RTEL1: variants seen among roughly 807,000 people sequenced by gnomAD.
RTEL1 encodes the protein regulator of telomere elongation helicase 1.
Under a neutral mutation model 162.2 loss-of-function variants are expected in RTEL1, and 86 were observed. That is an observed-to-expected ratio of 0.53 (90% confidence interval 0.45 to 0.63). The LOEUF is 0.63. RTEL1 is among the 30% of genes least tolerant of loss of function. The probability of loss-of-function intolerance (pLI) is 0.00; values close to 1 mark genes in which losing one functional copy is unlikely to be tolerated. For synonymous variants in RTEL1, 958 were observed against 717.9 expected, an observed-to-expected ratio of 1.33 and a Z score of -5.35; for missense variants, 1,941 against 1,750.2, an observed-to-expected ratio of 1.11 and a Z score of -1.95.
rs181723262 is a variant in RTEL1, at chr20:63,687,242, C to T, written c.1349-396C>T. 428 of 194,244 alleles carry T rather than the reference C, an allele frequency of 2.2e-3. 4 individuals carry two copies. The highest frequency in any genetic ancestry group is 9.5e-3 in the African/African-American group (407 of 42,838). 12.0% of individuals were successfully genotyped at this position (194,244 alleles called of 1,614,324 possible). On this transcript the variant is annotated intron_variant, in intron 16 of 34. Transcript: ENST00000360203. ...CAGGCAGAGCTGGGAACTCGCACCC[C>T]GTCTTCTGCACGCGGCCGTGGAATG...
chr20:63,694,058 G>A (rs113214706), intron 30 of RTEL1, among the ~76,000 whole-genome samples: 3 of 152,168 alleles, frequency 2.0e-5, no homozygotes, highest in African/African-American at 4.8e-5. Context: ...ACCCAGGGGG[G>A]AACCTAGCCT....
In RTEL1 at chr20:63,667,528, C is replaced by A; in HGVS notation, c.674C>A (p.Pro225Gln). ...LKQQADIIFM[P>Q]YNYLLDAKSR... ...CAGCAAGCCGACATCATATTCATGC[C>A]GTACAATTACTTGTTGGATGCCAAG... Residue 225 changes from proline to glutamine, a missense_variant, in exon 8 of 35, where the codon CCG (proline) becomes CAG (glutamine). Physicochemically the swap from Pro to Gln is moderately conservative, Grantham distance 76. Transcript: ENST00000360203. The A allele has an allele frequency of 6.2e-7, 1 of 1,613,962 alleles. No homozygotes were observed. The highest frequency in any genetic ancestry group is 8.5e-7 in the Non-Finnish European group (1 of 1,179,876).
Position 63,663,399 on chromosome 20 carries a change from C to T in RTEL1, c.538+510C>T, listed in dbSNP as rs542918378. Among the ~76,000 whole-genome samples, 3 of 152,332 alleles carry T rather than the reference C, an allele frequency of 2.0e-5. No homozygotes were observed. The East Asian group carries it at 5.8e-4, about 29-fold the overall frequency. On this transcript the variant is annotated intron_variant, in intron 6 of 34. Transcript: ENST00000360203. ...TTATGGCCCTGAGTGTGACTCCAGGCTGAGTCCTGTGGGTCCAACACGGGA... is the reference window on the plus strand; with the variant it reads ...TTATGGCCCTGAGTGTGACTCCAGGTTGAGTCCTGTGGGTCCAACACGGGA...
Position 63,661,567 on chromosome 20 carries a change from G to T in RTEL1, c.301+71G>T, listed in dbSNP as rs1010879089. On this transcript the variant is annotated intron_variant, in intron 3 of 34. Coordinates refer to ENST00000360203, the MANE Select transcript of RTEL1 (RefSeq NM_001283009.2). The surrounding 1 kb of genome is among the most constrained non-coding windows in gnomAD (Gnocchi z 5.1). ...TGGCAAGGGATGGCGCTGAGGGTGG[G>T]GTGGGCCCATGGGGACTCCTGCCGT... 2.6e-5 allele frequency: 38 copies of T among 1,482,280 alleles called. No homozygotes were observed. In the South Asian group the frequency reaches 3.6e-4, roughly 14 times the overall value. The allele number at this position is 1,482,280 out of a possible 1,614,324, so 91.8% of individuals were successfully genotyped here. A position where few individuals can be genotyped will look rare whatever the true frequency, so the allele number is the denominator to read the frequency against.
chr20:63,689,129 CA>C lies in RTEL1; in HGVS notation c.1877del (p.Lys626ArgfsTer16). 6.2e-7 allele frequency: 1 copy of C among 1,608,898 alleles called. No individual in the cohort carries two copies. Reference sequence around the variant, plus strand: ...CCACCTTCCTGGCGGTCTGCCGGGGCAAGGTGAGCTCTCCAGGGCCCTCTGC... The same window carrying C: ...CCACCTTCCTGGCGGTCTGCCGGGGCAGGTGAGCTCTCCAGGGCCCTCTGC... ...GATFLAVCRGKASEGLDFSDT... is the reference protein window; with the variant it reads ...GATFLAVCRGXASEGLDFSDT... On this transcript the variant is annotated frameshift_variant and splice_region_variant, in exon 22 of 35. Coordinates refer to ENST00000360203, the MANE Select transcript of RTEL1 (RefSeq NM_001283009.2). LOFTEE classifies it high-confidence loss of function.
Position 63,690,868 on chromosome 20 carries a change from C to T in RTEL1, c.2477C>T (p.Pro826Leu), listed in dbSNP as rs1399528611. Residue 826 changes from proline (P) to leucine (L), a missense_variant, in exon 27 of 35, where the codon CCT becomes CTT. Coordinates refer to ENST00000360203, the MANE Select transcript of RTEL1 (RefSeq NM_001283009.2). ...LCVEYEQEPVPARQRPRGLLA... is the reference protein window; with the variant it reads ...LCVEYEQEPVLARQRPRGLLA... ...GTGGAGTATGAGCAGGAGCCAGTTC[C>T]TGCCCGGCAGAGGCCCAGGGGGCTG... is the stretch of plus-strand genomic sequence containing the variant. 3 of 1,600,936 alleles carry T rather than the reference C, an allele frequency of 1.9e-6. No homozygotes were observed. The highest frequency in any genetic ancestry group is 3.4e-5 in the Admixed American group (2 of 58,726).
intron 7 of RTEL1, among the ~76,000 whole-genome samples, chr20:63,666,711 T>A (rs1006185881): frequency 2.0e-5 from 3 of 152,010 alleles, no homozygotes; most frequent in East Asian, 3.9e-4. Context: ...AATTTTTGTA[T>A]TTTTTGTACA....
intron 9 of RTEL1, among the ~76,000 whole-genome samples, chr20:63,673,574 G>T (rs527763025): frequency 6.6e-6 from 1 of 152,036 alleles, no homozygotes; most frequent in South Asian, 2.1e-4. Flanking sequence ...GAGTAGCCGG[G>T]ACTACAGGTG....
chr20:63,664,961 G>A (rs1449006648), intron 6 of RTEL1: 2 of 152,632 alleles, frequency 1.3e-5, no homozygotes, highest in African/African-American at 4.8e-5. Flanking sequence ...CTCTCCGCCA[G>A]GCAAGGTTTG....
intron 7 of RTEL1, among the ~76,000 whole-genome samples, chr20:63,666,534 C>T (rs529812833): frequency 6.6e-6 from 1 of 152,266 alleles, no homozygotes. Flanking sequence ...GAGGGGGAAA[C>T]CTCCCTCCCC....
Position 63,692,932 on chromosome 20 carries a change from A to G in RTEL1, c.2780A>G (p.Asp927Gly). ...CTGCAGGACTACAAGGGTTCCGATG[A>G]CTTCGCCGCCCTGGCCGCCTGTCTC... is the stretch of plus-strand genomic sequence containing the variant. ...QALQDYKGSD[D>G]FAALAACLGP... Residue 927 changes from aspartate (D) to glycine (G), a missense_variant, in exon 29 of 35, where the codon GAC (aspartate) becomes GGC (glycine). Transcript: ENST00000360203. 6.2e-7 allele frequency: 1 copy of G among 1,612,626 alleles called. No homozygotes were observed.
chr20:63,693,859 C>T (rs1041795393), intron 30 of RTEL1, among the ~76,000 whole-genome samples: 3 of 149,100 alleles, frequency 2.0e-5, no homozygotes, highest in Non-Finnish European at 3.0e-5. Context: ...CAGCCCTGTC[C>T]AACTGCCACA....
At chr20:63,694,265 G>A in intron 30 of RTEL1, 107 bp from the exon 31 acceptor site, 1 of 974,928 alleles carries the variant, frequency 1.0e-6, no homozygotes, top group Non-Finnish European at 1.6e-6. Context: ...TCCCGCCCTG[G>A]TCTGAGGTGG....
In RTEL1 at chr20:63,695,280, G is replaced by C. The variant is rs769118026; in HGVS notation, c.3500-48G>C. On this transcript the variant is annotated intron_variant, in intron 33 of 34. Transcript: ENST00000360203. ...CCCAACCGCACGCAGCCCTGGGAGT[G>C]AGCAGCAAAGCCCCAGGCCCCCCTC... The C allele has an allele frequency of 9.4e-6, 15 of 1,595,160 alleles. No homozygotes were observed. The Admixed American group carries it at 2.2e-4, about 23-fold the overall frequency.
chr20:63,687,891 G>A, intron 17 of RTEL1, 46 bp from the exon 18 acceptor site: 1 of 1,604,444 alleles, frequency 6.2e-7, no homozygotes, highest in Non-Finnish European at 8.5e-7. Flanking sequence ...GGCTAAAGGG[G>A]TGCTGGTGCA....
rs141478521 is a variant in RTEL1, at chr20:63,665,874, C to T, written c.539-130C>T. ...GACCCTCAGTGGGTGCTTTGTGGCG[C>T]GTTCACGGTTGGTGGGGGACGCCCA... On this transcript the variant is annotated intron_variant, in intron 6 of 34. Transcript: ENST00000360203. 689 of 724,594 alleles carry T rather than the reference C, an allele frequency of 9.5e-4. 1 individual carries two copies. The highest frequency in any genetic ancestry group is 1.3e-3 in the South Asian group (67 of 50,734). The allele number at this position is 724,594 out of a possible 1,614,324, so 44.9% of individuals were successfully genotyped here.
In RTEL1 at chr20:63,661,979, T is replaced by A; in HGVS notation, c.395+36T>A. 4 of 1,498,628 alleles carry A rather than the reference T, an allele frequency of 2.7e-6. No homozygotes were observed. Among genetic ancestry groups the A allele is most frequent in the Non-Finnish European group, 3.7e-6 (4 of 1,075,066 alleles). The allele number at this position is 1,498,628 out of a possible 1,614,324, so 92.8% of individuals were successfully genotyped here. ...CGAGTTTACACCTGTCTCGGGGTCC[T>A]CAAGAGAACCAGCTTGGCATGGTGC... On this transcript the variant is annotated intron_variant, in intron 4 of 34. Transcript: ENST00000360203. The surrounding 1 kb of genome is among the most constrained non-coding windows in gnomAD (Gnocchi z 5.1).
chr20:63,689,764 G>C lies in RTEL1; in HGVS notation c.2040G>C (p.Gln680His), dbSNP rs144568600. 6.2e-7 allele frequency: 1 copy of C among 1,612,192 alleles called. No individual in the cohort carries two copies. The highest frequency in any genetic ancestry group is 1.1e-5 in the South Asian group (1 of 91,084). Residue 680 changes from glutamine (Q) to histidine (H), a missense_variant, in exon 24 of 35, where the codon CAG becomes CAC. Coordinates refer to ENST00000360203, the MANE Select transcript of RTEL1 (RefSeq NM_001283009.2). ...GGAGGQFLSG[Q>H]EWYRQQASRA... ...TCGCCCCACAGTTCCTCTCTGGGCA[G>C]GAGTGGTACCGGCAGCAGGCGTCCA... is the stretch of plus-strand genomic sequence containing the variant.
Position 63,668,195 on chromosome 20 carries a change from G to A in RTEL1, c.699+642G>A, listed in dbSNP as rs549956149. ...CCGGCCCTGCTGCCCTCCTCCCCAT[G>A]TGCCCTGCTTTTGTGCCCCACACTT... On this transcript the variant is annotated intron_variant, in intron 8 of 34. Coordinates refer to ENST00000360203, the MANE Select transcript of RTEL1 (RefSeq NM_001283009.2). The surrounding 1 kb of genome is among the most constrained non-coding windows in gnomAD (Gnocchi z 4.3). 5.3e-5 allele frequency among the ~76,000 whole-genome samples: 8 copies of A among 152,244 alleles called. No individual in the cohort carries two copies. The highest frequency in any genetic ancestry group is 1.9e-4 in the African/African-American group (8 of 41,546).
Sources: allele counts gnomAD v4.1 joint callset (sites outside exome capture counted in the v4.1 genomes callset), GRCh38; gene constraint gnomAD v4.1.1; non-coding constraint Gnocchi (gnomAD v3.1); transcripts MANE v1.5; gene names NCBI Gene and HGNC (gene_info 2026-07-23, HGNC 2026-07-21).